Variants in SHISAL2B observed in about 807,000 individuals in gnomAD.
The protein encoded by SHISAL2B is shisa like 2B, also known as protein shisa-like-2B.
A neutral mutation model predicts 16.5 loss-of-function variants in SHISAL2B; 12 were observed. That is an observed-to-expected ratio of 0.73 (90% CI 0.47 to 1.18). The LOEUF is 1.18. SHISAL2B is among the 50% of genes most tolerant of loss of function. The pLI is 0.00. For synonymous variants in SHISAL2B, 72 were observed against 75.0 expected (o/e 0.96, Z 0.21); for missense variants, 183 against 193.6 (o/e 0.95, Z 0.33).
chr5:64,709,966 T>C (rs1308434370), intron 2 of SHISAL2B, among the ~76,000 whole-genome samples: 1 of 150,484 alleles, frequency 6.6e-6, no homozygotes, highest in African/African-American at 2.4e-5. Context: ...GTTGCGAAAA[T>C]TTTCTCCCAT....
intron 2 of SHISAL2B, among the ~76,000 whole-genome samples, chr5:64,713,438 G>C (rs1042845403): frequency 2.0e-5 from 2 of 100,432 alleles, no homozygotes; most frequent in African/African-American, 6.7e-5. Context: ...TCCCTTTGAG[G>C]GTAACCCGAC....
At chr5:64,706,894 T>G (rs6872436) in intron 2 of SHISAL2B, among the ~76,000 whole-genome samples, 68,548 of 151,526 alleles carry the variant, frequency 0.45, 19,005 homozygotes, top group African/African-American at 0.78. Flanking sequence ...GGAAAAAAGA[T>G]AAAAGAAAGA....
At chr5:64,695,264 CAA>C (rs33996841) in intron 1 of SHISAL2B, among the ~76,000 whole-genome samples, 8 of 130,598 alleles carry the variant, frequency 6.1e-5, no homozygotes, top group Admixed American at 7.7e-5. Flanking sequence ...GACACCATCT[CAA>C]AAAAAAAAAA....
intron 2 of SHISAL2B, among the ~76,000 whole-genome samples, chr5:64,712,497 G>GA (rs1256231252): frequency 7.8e-6 from 1 of 128,182 alleles, no homozygotes. Flanking sequence ...GTGTGGTGCT[G>GA]AAAAAAATGT....
At chr5:64,708,527 T>A (rs140657813) in intron 2 of SHISAL2B, among the ~76,000 whole-genome samples, 2,049 of 152,294 alleles carry the variant, frequency 0.013, 38 homozygotes, top group African/African-American at 0.047. Context: ...ATGAGGCCAA[T>A]TAAACCTATC....
chr5:64,690,559 G>A lies in SHISAL2B; in HGVS notation c.-65G>A. The A allele has an allele frequency of 7.4e-7, 1 of 1,345,868 alleles. No homozygotes were observed. The highest frequency in any genetic ancestry group is 1.5e-5 in the African/African-American group (1 of 66,500). The allele number at this position is 1,345,868 out of a possible 1,614,324, so 83.4% of individuals were successfully genotyped here. On this transcript the variant is annotated 5_prime_UTR_variant, in exon 1 of 3. Transcript: ENST00000389074. ...AGAGGGGTCCGCGGGCTCTGGAGGTGCTGGACGGGTGCGATCCGAGAGCAG... is the reference window on the plus strand; with the variant it reads ...AGAGGGGTCCGCGGGCTCTGGAGGTACTGGACGGGTGCGATCCGAGAGCAG...
At chr5:64,691,088 T>G (rs966973790) in intron 1 of SHISAL2B, among the ~76,000 whole-genome samples, 2 of 152,156 alleles carry the variant, frequency 1.3e-5, no homozygotes, top group Non-Finnish European at 2.9e-5. Context: ...GGGGCCCGCC[T>G]GGCTGGCCCC....
chr5:64,695,135 T>C (rs1470339047), intron 1 of SHISAL2B, among the ~76,000 whole-genome samples: 1 of 151,974 alleles, frequency 6.6e-6, no homozygotes, highest in African/African-American at 2.4e-5. Flanking sequence ...CATGATGGCG[T>C]GCACCTGTAG....
At chr5:64,705,427 T>A (rs1741863275) in intron 2 of SHISAL2B, among the ~76,000 whole-genome samples, 1 of 152,142 alleles carries the variant, frequency 6.6e-6, no homozygotes, top group Non-Finnish European at 1.5e-5. Flanking sequence ...CTACTATGAA[T>A]TTAAGTATGT....
At chr5:64,703,395 T>C (rs1179572893) in intron 2 of SHISAL2B, among the ~76,000 whole-genome samples, 2 of 152,180 alleles carry the variant, frequency 1.3e-5, no homozygotes, top group Non-Finnish European at 2.9e-5. Context: ...ATAATGAGCC[T>C]AGAATTTTAT....
intron 2 of SHISAL2B, 66 bp from the exon 3 acceptor site, chr5:64,717,823 T>C: frequency 7.2e-7 from 1 of 1,386,124 alleles, no homozygotes; most frequent in Non-Finnish European, 9.6e-7. Context: ...TATTTTTAAG[T>C]GCAAATTTTT....
chr5:64,697,011 A>C (rs894420352), intron 2 of SHISAL2B, among the ~76,000 whole-genome samples: 1 of 152,220 alleles, frequency 6.6e-6, no homozygotes. Flanking sequence ...TTTGCGGCTC[A>C]GGTGGGCATC....
intron 2 of SHISAL2B, among the ~76,000 whole-genome samples, chr5:64,700,267 C>T (rs1741790047): frequency 6.6e-6 from 1 of 152,080 alleles, no homozygotes; most frequent in African/African-American, 2.4e-5. Context: ...CCAGAGAATC[C>T]TTAAATGTAT....
intron 1 of SHISAL2B, chr5:64,694,124 A>G (rs1235747656): frequency 4.4e-6 from 2 of 455,470 alleles, no homozygotes; most frequent in Non-Finnish European, 8.8e-6. Context: ...GAGAAAGAGC[A>G]GAAGCCTAAA....
chr5:64,693,589 T>C (rs1446546303), intron 1 of SHISAL2B, among the ~76,000 whole-genome samples: 1 of 152,220 alleles, frequency 6.6e-6, no homozygotes. Flanking sequence ...ATGTCTAGCC[T>C]CTTATCTGCT....
chr5:64,718,055 G>A lies in SHISAL2B; in HGVS notation c.*33G>A, dbSNP rs755462142. On this transcript the variant is annotated 3_prime_UTR_variant, in exon 3 of 3. Transcript: ENST00000389074. ...TTCTGTGTTTTAAATGCTTACTGGA[G>A]AGATGGGACAATAAAAATAAAGCGT... 2 of 1,457,882 alleles carry A rather than the reference G, an allele frequency of 1.4e-6. No individual in the cohort carries two copies. The highest frequency in any genetic ancestry group is 1.8e-6 in the Non-Finnish European group (2 of 1,116,184). 90.3% of individuals were successfully genotyped at this position (1,457,882 alleles called of 1,614,324 possible). A position where few individuals can be genotyped will look rare whatever the true frequency, so the allele number is the denominator to read the frequency against.
At chr5:64,705,818 A>G (rs139688023) in intron 2 of SHISAL2B, among the ~76,000 whole-genome samples, 72 of 152,310 alleles carry the variant, frequency 4.7e-4, no homozygotes, top group African/African-American at 1.7e-3. Context: ...GGGTGGGGAT[A>G]CAGTCTGCTT....
intron 2 of SHISAL2B, among the ~76,000 whole-genome samples, chr5:64,702,557 G>A (rs750800536): frequency 6.6e-6 from 1 of 151,896 alleles, no homozygotes; most frequent in Non-Finnish European, 1.5e-5. Flanking sequence ...TTAGTAATTA[G>A]TTATAGTTAC....
intron 2 of SHISAL2B, among the ~76,000 whole-genome samples, 168 bp downstream of exon 2, chr5:64,695,832 A>C (rs1331636567): frequency 2.0e-5 from 3 of 152,250 alleles, no homozygotes; most frequent in Non-Finnish European, 4.4e-5. Context: ...GAAATACCTT[A>C]GGGAAATTGT....
Sources: gnomAD v4.1 joint callset for allele counts (sites outside exome capture counted in the v4.1 genomes callset) on GRCh38, gnomAD v4.1.1 for gene constraint, MANE v1.5 for transcripts, NCBI Gene and HGNC (gene_info 2026-07-23, HGNC 2026-07-21) for gene names.